Variants in GNPTG observed in about 807,000 individuals in gnomAD.
GNPTG encodes N-acetylglucosamine-1-phosphate transferase subunit gamma, also known as N-acetylglucosamine-1-phosphotransferase subunit gamma.
A neutral mutation model predicts 43.8 loss-of-function variants in GNPTG; 46 were observed. The observed-to-expected ratio is 1.05, with a 90% CI of 0.83 to 1.34. GNPTG has a LOEUF of 1.34. Ranked by LOEUF, GNPTG falls within the 40% of genes most tolerant of loss-of-function variation. The probability of loss-of-function intolerance (pLI) is 0.00; values close to 1 mark genes in which losing one functional copy is unlikely to be tolerated. For synonymous variants in GNPTG, 250 were observed against 172.8 expected (o/e 1.45, Z -3.50); for missense variants, 549 against 411.3 (o/e 1.33, Z -2.90).
intron 10 of GNPTG, 21 bp downstream of exon 10, chr16:1,362,927 G>A (rs962844284): frequency 5.6e-6 from 9 of 1,613,892 alleles, no homozygotes; most frequent in South Asian, 1.1e-5. Flanking sequence ...TGTGGGGAGA[G>A]GGCCAGGCTC....
rs137852884 is a variant in GNPTG at position 1,362,053 on chromosome 16, G to A, written c.333G>A (p.Trp111Ter). 1 of 1,612,720 alleles carries A rather than the reference G, an allele frequency of 6.2e-7. No homozygotes were observed. Among genetic ancestry groups the A allele is most frequent in the Non-Finnish European group, 8.5e-7 (1 of 1,179,676 alleles). ...YSGILGIWHE[W>*]EIANNTFTGM... ...GTCTCCCCAGCATCTGGCACGAGTG[G>A]GAGATCGCCAACAACACCTTCACGG... Residue 111 changes from tryptophan (W) to a stop codon, truncating the protein, a stop_gained, in exon 6 of 11, where the codon TGG (tryptophan) becomes TGA (stop). Transcript: ENST00000204679. LOFTEE classifies it high-confidence loss of function.
intron 3 of GNPTG, among the ~76,000 whole-genome samples, chr16:1,356,890 C>T (rs978168329): frequency 1.5e-4 from 1 of 6,560 alleles, no homozygotes; most frequent in African/African-American, 3.5e-4. Flanking sequence ...CGGGGGTCTG[C>T]GGGCGGGAGT....
rs2141864002 is a variant in GNPTG at position 1,362,634 on chromosome 16, A to G, written c.633A>G (p.Thr211=). 2 of 1,614,130 alleles carry G rather than the reference A, an allele frequency of 1.2e-6. No homozygotes were observed. Among genetic ancestry groups the G allele is most frequent in the Non-Finnish European group, 1.7e-6 (2 of 1,180,014 alleles). Residue 211 remains threonine, a synonymous_variant, in exon 9 of 11, where the codon ACA becomes ACG. Coordinates refer to ENST00000204679, the MANE Select transcript of GNPTG (RefSeq NM_032520.5). ...AGGGCCATGAGAAGTTGCTGAGGAC[A>G]CTTTTTGAGGATGCTGGCTACTTAA... ...TPQGHEKLLR[T]LFEDAGYLKT...
chr16:1,360,904 C>G (rs886429805), intron 3 of GNPTG: 5 of 152,484 alleles, frequency 3.3e-5, no homozygotes, highest in Non-Finnish European at 5.9e-5. Flanking sequence ...ATGTAACCAA[C>G]TCCTGAAGCT....
At position 1,352,245 on chromosome 16, in the gene GNPTG, C is replaced by G; in HGVS notation, c.117C>G (p.Asn39Lys). 6.5e-7 allele frequency: 1 copy of G among 1,548,864 alleles called. No individual in the cohort carries two copies. The highest frequency in any genetic ancestry group is 8.7e-7 in the Non-Finnish European group (1 of 1,147,032). Residue 39 changes from asparagine to lysine, a missense_variant, in exon 3 of 11, where the codon AAC (asparagine) becomes AAG (lysine). Coordinates refer to ENST00000204679, the MANE Select transcript of GNPTG (RefSeq NM_032520.5). Reference protein sequence around the residue: ...VVEEPNAFGVNNPFLPQASRL... With the variant: ...VVEEPNAFGVKNPFLPQASRL... ...ACCTTGCCGCTTCCCGTAGGGTGAA[C>G]AACCCGTTCTTGCCTCAGGCCAGTC...
rs2034973920 is a variant in GNPTG at position 1,363,208 on chromosome 16, G to T, written c.*117G>T. Reference sequence around the variant, plus strand: ...TGCTCAGAGAAGCAGACAAAACAAAGATTCAAGGTTTTAATTAATTCCCAT... The same window carrying T: ...TGCTCAGAGAAGCAGACAAAACAAATATTCAAGGTTTTAATTAATTCCCAT... On this transcript the variant is annotated 3_prime_UTR_variant, in exon 11 of 11. Transcript: ENST00000204679. 2 of 852,722 alleles carry T rather than the reference G, an allele frequency of 2.3e-6. No homozygotes were observed. The highest frequency in any genetic ancestry group is 1.7e-5 in the African/African-American group (1 of 59,732). The allele number at this position is 852,722 out of a possible 1,614,324, so 52.8% of individuals were successfully genotyped here. A position where few individuals can be genotyped will look rare whatever the true frequency, so the allele number is the denominator to read the frequency against.
intron 3 of GNPTG, among the ~76,000 whole-genome samples, chr16:1,359,510 C>A (rs909545120): frequency 6.6e-6 from 1 of 152,128 alleles, no homozygotes; most frequent in Non-Finnish European, 1.5e-5. Context: ...CTTCGTGATC[C>A]GTCTGCCTCG....
Position 1,361,912 on chromosome 16 carries a change from C to G in GNPTG, c.274C>G (p.His92Asp). The G allele has an allele frequency of 1.9e-6, 3 of 1,613,788 alleles. No homozygotes were observed. The highest frequency in any genetic ancestry group is 2.5e-6 in the Non-Finnish European group (3 of 1,180,048). The part of the protein sequence containing the change: ...EFCPFHNVTQ[H>D]EQTFRWNAYS... ...CTGCCCGTTCCACAACGTGACCCAG[C>G]ACGAGCAGACCTTCCGCTGGAACGC... The change falls in exon 5 of 11, where the codon CAC becomes GAC. Residue 92 changes from histidine to aspartate, a missense_variant. Physicochemically the swap from His to Asp is moderately conservative, Grantham distance 81. Transcript: ENST00000204679.
At position 1,363,174 on chromosome 16, in the gene GNPTG, C is replaced by T. The variant is rs2034971326; in HGVS notation, c.*83C>T. ...GGTAGGACCCGCAGGGACCAGCTGA[C>T]CAGGCTTGTGCTCAGAGAAGCAGAC... On this transcript the variant is annotated 3_prime_UTR_variant, in exon 11 of 11. Coordinates refer to ENST00000204679, the MANE Select transcript of GNPTG (RefSeq NM_032520.5). 6 of 1,191,700 alleles carry T rather than the reference C, an allele frequency of 5.0e-6. No individual in the cohort carries two copies. The Admixed American group carries it at 7.7e-5, about 15-fold the overall frequency. The allele number at this position is 1,191,700 out of a possible 1,614,324, so 73.8% of individuals were successfully genotyped here.
chr16:1,355,187 C>A (rs529495715), intron 3 of GNPTG, among the ~76,000 whole-genome samples: 3 of 152,084 alleles, frequency 2.0e-5, no homozygotes, highest in Non-Finnish European at 4.4e-5. Flanking sequence ...GGATCGTCTC[C>A]CGCGTCTGTG....
chr16:1,352,663 T>C (rs950556188), intron 3 of GNPTG, among the ~76,000 whole-genome samples: 2 of 152,146 alleles, frequency 1.3e-5, no homozygotes, highest in Non-Finnish European at 2.9e-5. Context: ...TTTGGCTGAT[T>C]TGTCGTTGTC....
chr16:1,362,064 A>C lies in GNPTG; in HGVS notation c.344A>C (p.Asn115Thr), dbSNP rs138297609. The C allele has an allele frequency of 6.2e-7, 1 of 1,612,440 alleles. No homozygotes were observed. The highest frequency in any genetic ancestry group is 1.3e-5 in the African/African-American group (1 of 75,022). Reference sequence around the variant, plus strand: ...ATCTGGCACGAGTGGGAGATCGCCAACAACACCTTCACGGGCATGTGGATG... The same window carrying C: ...ATCTGGCACGAGTGGGAGATCGCCACCAACACCTTCACGGGCATGTGGATG... Reference protein sequence around the residue: ...LGIWHEWEIANNTFTGMWMRD... With the variant: ...LGIWHEWEIATNTFTGMWMRD... Residue 115 changes from asparagine to threonine, a missense_variant, in exon 6 of 11, where the codon AAC (asparagine) becomes ACC (threonine). By Grantham distance (65) the Asn-to-Thr change is moderately conservative. Coordinates refer to ENST00000204679, the MANE Select transcript of GNPTG (RefSeq NM_032520.5).
rs200239398 is a variant in GNPTG, at chr16:1,362,770, C to T, written c.741+28C>T. ...ACCGTATTGGGGGGAGGTGGTGGCA[C>T]GCAGTAGCCCTCCAGCACCTGGGCT... On this transcript the variant is annotated intron_variant, in intron 9 of 10. Transcript: ENST00000204679. 74 of 1,614,092 alleles carry T rather than the reference C, an allele frequency of 4.6e-5. No individual in the cohort carries two copies. In the East Asian group the frequency reaches 1.2e-3, roughly 26 times the overall value.
chr16:1,354,147 G>T (rs975866960), intron 3 of GNPTG, among the ~76,000 whole-genome samples: 3 of 151,730 alleles, frequency 2.0e-5, no homozygotes, highest in African/African-American at 7.3e-5. Context: ...AAGTGCTGGA[G>T]TCGGGCCACC....
intron 3 of GNPTG, among the ~76,000 whole-genome samples, chr16:1,357,407 C>G (rs1418115759): frequency 6.6e-6 from 1 of 152,160 alleles, no homozygotes; most frequent in Non-Finnish European, 1.5e-5. Flanking sequence ...TGAGGGTGGC[C>G]CCAGTGTGGC....
intron 3 of GNPTG, among the ~76,000 whole-genome samples, chr16:1,356,779 G>T (rs527625226): frequency 5.3e-4 from 81 of 152,332 alleles, no homozygotes; most frequent in Non-Finnish European, 8.8e-4. Context: ...GTGTCTCCAA[G>T]CAGTGTCTGC....
intron 3 of GNPTG, among the ~76,000 whole-genome samples, chr16:1,359,412 G>A (rs1010446812): frequency 3.9e-5 from 6 of 152,008 alleles, no homozygotes; most frequent in Non-Finnish European, 8.8e-5. Context: ...GGGACTGCAG[G>A]CATCCGCCAT....
At position 1,361,798 on chromosome 16, in the gene GNPTG, G is replaced by T. The variant is rs376679416; in HGVS notation, c.233+1G>T. On this transcript the variant is annotated splice_donor_variant, in intron 4 of 10. Coordinates refer to ENST00000204679, the MANE Select transcript of GNPTG (RefSeq NM_032520.5). LOFTEE classifies it high-confidence loss of function. Reference sequence around the variant, plus strand: ...AGTGCTTCAGCCTGGTGGAGTCCACGTGAGTGCAGGGTGGGTGCGAGGGTG... The same window carrying T: ...AGTGCTTCAGCCTGGTGGAGTCCACTTGAGTGCAGGGTGGGTGCGAGGGTG... 3 of 1,613,918 alleles carry T rather than the reference G, an allele frequency of 1.9e-6. No individual in the cohort carries two copies. The highest frequency in any genetic ancestry group is 1.7e-4 in the Middle Eastern group (1 of 6,060).
Position 1,362,567 on chromosome 16 carries a change from C to T in GNPTG, c.609+33C>T, listed in dbSNP as rs180901866. Reference sequence around the variant, plus strand: ...TGCGCTCGGGGTGGCCCCTGGTGGGCCTGGCTGGGAGCTGGGTGCTGCCCC... The same window carrying T: ...TGCGCTCGGGGTGGCCCCTGGTGGGTCTGGCTGGGAGCTGGGTGCTGCCCC... On this transcript the variant is annotated intron_variant, in intron 8 of 10. Coordinates refer to ENST00000204679, the MANE Select transcript of GNPTG (RefSeq NM_032520.5). 4.3e-4 allele frequency: 690 copies of T among 1,614,140 alleles called. 1 individual carries two copies. The highest frequency in any genetic ancestry group is 5.4e-4 in the Non-Finnish European group (639 of 1,180,002).
Sources: gnomAD v4.1 joint callset for allele counts (sites outside exome capture counted in the v4.1 genomes callset) on GRCh38, gnomAD v4.1.1 for gene constraint, MANE v1.5 for transcripts, NCBI Gene and HGNC (gene_info 2026-07-23, HGNC 2026-07-21) for gene names.